RAP1B: variants seen among roughly 807,000 people sequenced by gnomAD.
RAP1B encodes the protein RAP1B, member of RAS oncogene family.
Under a neutral mutation model 27.5 loss-of-function variants are expected in RAP1B, and 1 was observed. The ratio of observed to expected loss-of-function variants is 0.04; its 90% CI spans 0.01 to 0.17. The LOEUF is 0.17. Ranked by LOEUF, RAP1B falls within the 10% of genes least tolerant of loss-of-function variation. RAP1B has a pLI of 1.00. For missense variants in RAP1B, 84 were observed against 214.8 expected, an observed-to-expected ratio of 0.39 and a Z score of 3.81; for synonymous variants, 75 against 73.1, an observed-to-expected ratio of 1.03 and a Z score of -0.13.
At position 68,668,165 on chromosome 12, in the gene RAP1B, A is replaced by C. The variant is rs1874928821; in HGVS notation, c.*8916A>C. ...CTTGGTTGCCCTAGGCCCCCCGTCA[A>C]GGCTTTTGTTCAAGGGAGAGTAAAG... On this transcript the variant is annotated 3_prime_UTR_variant, in exon 8 of 8. Transcript: ENST00000250559. 2 of 152,228 alleles carry C rather than the reference A, an allele frequency of 1.3e-5. No individual in the cohort carries two copies. Among genetic ancestry groups the C allele is most frequent in the African/African-American group, 4.8e-5 (2 of 41,456 alleles). 9.4% of individuals were successfully genotyped at this position (152,228 alleles called of 1,614,324 possible). A position where few individuals can be genotyped will look rare whatever the true frequency, so the allele number is the denominator to read the frequency against.
intron 1 of RAP1B, among the ~76,000 whole-genome samples, chr12:68,635,801 G>C (rs746183286): frequency 3.0e-4 from 45 of 152,046 alleles, no homozygotes; most frequent in Non-Finnish European, 5.0e-4. Flanking sequence ...TTTCAAACTG[G>C]GGTTAGGGGG....
chr12:68,617,383 A>G (rs1031759195), intron 1 of RAP1B, among the ~76,000 whole-genome samples: 6 of 152,218 alleles, frequency 3.9e-5, no homozygotes, highest in African/African-American at 1.2e-4. Flanking sequence ...AGCAAAATGC[A>G]GGAATTCCTC....
intron 1 of RAP1B, among the ~76,000 whole-genome samples, chr12:68,614,493 A>T (rs1259450884): frequency 6.6e-6 from 1 of 152,170 alleles, no homozygotes; most frequent in Non-Finnish European, 1.5e-5. Flanking sequence ...CTGCTGTTTT[A>T]TAGCAGTGAT....
rs958351134 is a variant in RAP1B, at chr12:68,663,809, G to A, written c.*4560G>A. The A allele has an allele frequency of 1.3e-5, 2 of 152,074 alleles. No individual in the cohort carries two copies. The highest frequency in any genetic ancestry group is 1.9e-4 in the East Asian group (1 of 5,194). 9.4% of individuals were successfully genotyped at this position (152,074 alleles called of 1,614,324 possible). A position where few individuals can be genotyped will look rare whatever the true frequency, so the allele number is the denominator to read the frequency against. ...TGTTTCAGGCGCTGTTTACAATATC[G>A]GAGGTACAGCAGGGATTTTCTGCCC... is the stretch of plus-strand genomic sequence containing the variant. On this transcript the variant is annotated 3_prime_UTR_variant, in exon 8 of 8. Transcript: ENST00000250559.
At position 68,612,886 on chromosome 12, in the gene RAP1B, T is replaced by C. The variant is rs538878860; in HGVS notation, c.-27+1843T>C. On this transcript the variant is annotated intron_variant, in intron 1 of 7. Transcript: ENST00000250559. ...CTACGTTAGGTGTTTTCACTTGCAT[T>C]TCCTTGTTTGACGTTGACAATAAAT... 2.0e-5 allele frequency among the ~76,000 whole-genome samples: 3 copies of C among 152,346 alleles called. No individual in the cohort carries two copies. In the East Asian group the frequency reaches 5.8e-4, roughly 29 times the overall value.
At position 68,662,762 on chromosome 12, in the gene RAP1B, A is replaced by G. The variant is rs1028791578; in HGVS notation, c.*3513A>G. ...AGTGAGCCTTAACATTGTGATTTGT[A>G]AGACTAAAATTTTTTTTTCAAACAA... On this transcript the variant is annotated 3_prime_UTR_variant, in exon 8 of 8. Coordinates refer to ENST00000250559, the MANE Select transcript of RAP1B (RefSeq NM_001010942.3). 3 of 152,048 alleles carry G rather than the reference A, an allele frequency of 2.0e-5. No homozygotes were observed. Among genetic ancestry groups the G allele is most frequent in the Non-Finnish European group, 2.9e-5 (2 of 67,986 alleles). The allele number at this position is 152,048 out of a possible 1,614,324, so 9.4% of individuals were successfully genotyped here.
rs894943591 is a variant in RAP1B at position 68,610,938 on chromosome 12, A to C, written c.-132A>C. The C allele has an allele frequency of 1.3e-5, 4 of 306,990 alleles. No homozygotes were observed. In the Admixed American group the frequency reaches 2.1e-4, roughly 16 times the overall value. 19.0% of individuals were successfully genotyped at this position (306,990 alleles called of 1,614,324 possible). On this transcript the variant is annotated 5_prime_UTR_variant, in exon 1 of 8. Coordinates refer to ENST00000250559, the MANE Select transcript of RAP1B (RefSeq NM_001010942.3). ...TCGCCCAGATTCAGGCGTGTAAACCAGCCGGAGCGGCGCGGCAGCGGCAGG... is the reference window on the plus strand; with the variant it reads ...TCGCCCAGATTCAGGCGTGTAAACCCGCCGGAGCGGCGCGGCAGCGGCAGG...
At chr12:68,611,222 G>T (rs1043133466) in intron 1 of RAP1B, among the ~76,000 whole-genome samples, 179 bp downstream of exon 1, 3 of 147,246 alleles carry the variant, frequency 2.0e-5, no homozygotes. Context: ...CAGGCGCCGG[G>T]CCCGCGAGCG....
intron 1 of RAP1B, among the ~76,000 whole-genome samples, chr12:68,614,980 T>C (rs1870878058): frequency 6.6e-6 from 1 of 152,248 alleles, no homozygotes; most frequent in Non-Finnish European, 1.5e-5. Flanking sequence ...TTGAACCCAG[T>C]TGAGCACTGG....
rs1875100619 is a variant in RAP1B, at chr12:68,671,718, A to G, written c.*12469A>G. On this transcript the variant is annotated 3_prime_UTR_variant, in exon 8 of 8. Coordinates refer to ENST00000250559, the MANE Select transcript of RAP1B (RefSeq NM_001010942.3). Reference sequence around the variant, plus strand: ...TAGGTGGAAAAAGAAAAGCAAAAGTACAACAGCGGGAGAAAAAACAGGATG... The same window carrying G: ...TAGGTGGAAAAAGAAAAGCAAAAGTGCAACAGCGGGAGAAAAAACAGGATG... 6.6e-6 allele frequency: 1 copy of G among 152,164 alleles called. No individual in the cohort carries two copies. Among genetic ancestry groups the G allele is most frequent in the African/African-American group, 2.4e-5 (1 of 41,430 alleles). The allele number at this position is 152,164 out of a possible 1,614,324, so 9.4% of individuals were successfully genotyped here. A position where few individuals can be genotyped will look rare whatever the true frequency, so the allele number is the denominator to read the frequency against.
intron 1 of RAP1B, among the ~76,000 whole-genome samples, chr12:68,623,276 A>G (rs895873838): frequency 2.0e-5 from 3 of 152,190 alleles, no homozygotes; most frequent in Non-Finnish European, 4.4e-5. Flanking sequence ...GAAGAAGTGA[A>G]ACCCTTAGGA....
intron 1 of RAP1B, among the ~76,000 whole-genome samples, chr12:68,633,481 A>C (rs977845742): frequency 9.2e-5 from 14 of 152,176 alleles, no homozygotes; most frequent in Non-Finnish European, 4.4e-5. Flanking sequence ...TGAACATTTT[A>C]ATTTATAAAA....
chr12:68,654,272 A>G lies in RAP1B; in HGVS notation c.324+20A>G, dbSNP rs1271932043. 2.7e-6 allele frequency: 4 copies of G among 1,473,990 alleles called. No individual in the cohort carries two copies. Among genetic ancestry groups the G allele is most frequent in the Non-Finnish European group, 3.7e-6 (4 of 1,094,508 alleles). 91.3% of individuals were successfully genotyped at this position (1,473,990 alleles called of 1,614,324 possible). On this transcript the variant is annotated intron_variant, in intron 5 of 7. Coordinates refer to ENST00000250559, the MANE Select transcript of RAP1B (RefSeq NM_001010942.3). ...GATGATGTAAGCTGACTTCCAAATA[A>G]ATATATTTTATTTCAAAACCCTGAT...
chr12:68,657,257 A>G (rs570699677), intron 7 of RAP1B, 40 bp downstream of exon 7: 32 of 1,319,246 alleles, frequency 2.4e-5, no homozygotes, highest in Middle Eastern at 3.7e-4. Flanking sequence ...TAATCACTCA[A>G]CCTTATTAAG....
intron 1 of RAP1B, chr12:68,627,106 A>C: frequency 6.3e-7 from 1 of 1,590,432 alleles, no homozygotes; most frequent in South Asian, 1.1e-5. Context: ...GTGTGAATGG[A>C]GATGATAACT....
chr12:68,650,565 CAG>C, intron 3 of RAP1B, 97 bp downstream of exon 3: 3 of 1,062,308 alleles, frequency 2.8e-6, no homozygotes, highest in South Asian at 4.8e-5. Flanking sequence ...AGGATGGAGG[CAG>C]AGTTAATTTA....
At chr12:68,613,704 G>T (rs1382512271) in intron 1 of RAP1B, among the ~76,000 whole-genome samples, 1 of 152,008 alleles carries the variant, frequency 6.6e-6, no homozygotes, top group South Asian at 2.1e-4. Context: ...CTAGCGCGTT[G>T]CCTGGGCACA....
chr12:68,623,652 A>C (rs1565658499), intron 1 of RAP1B, among the ~76,000 whole-genome samples: 3 of 152,246 alleles, frequency 2.0e-5, no homozygotes, highest in East Asian at 1.9e-4. Context: ...ATTATATATT[A>C]GGATTAAGCT....
At chr12:68,638,699 T>C (rs972985582) in intron 1 of RAP1B, among the ~76,000 whole-genome samples, 4 of 152,128 alleles carry the variant, frequency 2.6e-5, no homozygotes, top group African/African-American at 9.7e-5. Context: ...TCACTCTGTA[T>C]GCCTAAGCTG....
Sources: allele counts gnomAD v4.1 joint callset (sites outside exome capture counted in the v4.1 genomes callset), GRCh38; gene constraint gnomAD v4.1.1; transcripts MANE v1.5; gene names NCBI Gene and HGNC (gene_info 2026-07-23, HGNC 2026-07-21).